ERMP1: variants seen among roughly 807,000 people sequenced by gnomAD.
ERMP1 encodes the protein endoplasmic reticulum metallopeptidase 1.
Under a neutral mutation model 92.0 loss-of-function variants are expected in ERMP1, and 86 were observed. The observed-to-expected ratio is 0.93, with a 90% CI of 0.79 to 1.12. The LOEUF is 1.12. Among genes scored for constraint, ERMP1 ranks in the 50% most tolerant of loss-of-function variants. The probability of loss-of-function intolerance (pLI) is 0.00; values close to 1 mark genes in which losing one functional copy is unlikely to be tolerated. For synonymous variants in ERMP1, 530 were observed against 412.8 expected (o/e 1.28, Z -3.44); for missense variants, 1,342 against 1,116.3 (o/e 1.20, Z -2.88).
In ERMP1 at chr9:5,787,888, AG is replaced by A. The variant is rs1828010607; in HGVS notation, c.2387-296del. The stretch of plus-strand genomic sequence containing the variant: ...AATCTATGTCACAATTTCTTCATTG[AG>A]GGGATTATATTAGAAAAAGCATATG... On this transcript the variant is annotated intron_variant, in intron 13 of 14. Transcript: ENST00000339450. 1.1e-4 allele frequency among the ~76,000 whole-genome samples: 16 copies of A among 152,326 alleles called. No individual in the cohort carries two copies. In the South Asian group the frequency reaches 3.3e-3, roughly 32 times the overall value.
In ERMP1 at chr9:5,833,050, C is replaced by A; in HGVS notation, c.-23G>T. On this transcript the variant is annotated 5_prime_UTR_variant, in exon 1 of 15. Transcript: ENST00000339450. The stretch of plus-strand genomic sequence containing the variant: ...CATGGCCACGAGCCTCAGCTGCCAG[C>A]CCAACCGCCCCAACCCGCGACAGCC... 1 of 1,436,734 alleles carries A rather than the reference C, an allele frequency of 7.0e-7. No homozygotes were observed. The highest frequency in any genetic ancestry group is 9.0e-7 in the Non-Finnish European group (1 of 1,105,098). 89.0% of individuals were successfully genotyped at this position (1,436,734 alleles called of 1,614,324 possible).
intron 6 of ERMP1, among the ~76,000 whole-genome samples, chr9:5,840,836 T>C (rs994189844): frequency 1.3e-5 from 2 of 152,212 alleles, no homozygotes; most frequent in Non-Finnish European, 2.9e-5. Context: ...AAACCTTCAT[T>C]TGCATGGCAT....
chr9:5,808,375 C>T (rs926236133), intron 8 of ERMP1, among the ~76,000 whole-genome samples: 1 of 152,206 alleles, frequency 6.6e-6, no homozygotes, highest in East Asian at 1.9e-4. Context: ...TTGAGCCCCA[C>T]GGTATAATTC....
intron 5 of ERMP1, among the ~76,000 whole-genome samples, chr9:5,862,955 A>G (rs1830547710): frequency 6.6e-6 from 1 of 152,244 alleles, no homozygotes; most frequent in Admixed American, 6.5e-5. Flanking sequence ...ACAGAGATTT[A>G]TGTGCAAGAG....
At chr9:5,790,976 T>G (rs1828168005) in intron 13 of ERMP1, among the ~76,000 whole-genome samples, 1 of 152,116 alleles carries the variant, frequency 6.6e-6, no homozygotes, top group African/African-American at 2.4e-5. Context: ...TCATTGTATG[T>G]AAATTAGGCC....
chr9:5,809,568 A>T (rs1270137338), intron 8 of ERMP1, among the ~76,000 whole-genome samples: 1 of 152,244 alleles, frequency 6.6e-6, no homozygotes, highest in Non-Finnish European at 1.5e-5. Flanking sequence ...TTTAGGCAAC[A>T]AATACTTGCT....
intron 6 of ERMP1, among the ~76,000 whole-genome samples, chr9:5,843,675 A>AG (rs1308914812): frequency 6.6e-6 from 1 of 152,212 alleles, no homozygotes; most frequent in African/African-American, 2.4e-5. Context: ...TTTATTTTGC[A>AG]GGAACAGTGA....
At chr9:5,831,653 T>C (rs920939614) in intron 1 of ERMP1, among the ~76,000 whole-genome samples, 9 of 152,124 alleles carry the variant, frequency 5.9e-5, no homozygotes, top group Non-Finnish European at 1.3e-4. Context: ...AGAATATAAC[T>C]TCACTGTGCA....
At chr9:5,839,086 T>C (rs1357558537) in intron 6 of ERMP1, among the ~76,000 whole-genome samples, 1 of 152,198 alleles carries the variant, frequency 6.6e-6, no homozygotes, top group Non-Finnish European at 1.5e-5. Flanking sequence ...GATTCCAACA[T>C]GGATGTGATC....
intron 5 of ERMP1, chr9:5,812,632 T>A: frequency 2.0e-6 from 1 of 509,348 alleles, no homozygotes; most frequent in South Asian, 2.2e-5. Flanking sequence ...TCTATTACCA[T>A]CTTTTGGGAA....
chr9:5,788,045 G>A (rs952259908), intron 13 of ERMP1, among the ~76,000 whole-genome samples: 6 of 152,110 alleles, frequency 3.9e-5, no homozygotes, highest in African/African-American at 1.4e-4. Context: ...CCTTCAAGCT[G>A]GAAAATATTA....
chr9:5,843,335 T>C (rs1179151981), intron 6 of ERMP1, among the ~76,000 whole-genome samples: 2 of 152,246 alleles, frequency 1.3e-5, no homozygotes, highest in Non-Finnish European at 2.9e-5. Context: ...TCTGCTCTGT[T>C]AATGTTGGAA....
At chr9:5,790,407 T>C (rs1231579676) in intron 13 of ERMP1, among the ~76,000 whole-genome samples, 1 of 150,122 alleles carries the variant, frequency 6.7e-6, no homozygotes, top group Non-Finnish European at 1.5e-5. Context: ...CATGTAATTA[T>C]AAAATACTGT....
At chr9:5,850,141 T>A (rs1830290103) in intron 6 of ERMP1, among the ~76,000 whole-genome samples, 1 of 152,122 alleles carries the variant, frequency 6.6e-6, no homozygotes, top group South Asian at 2.1e-4. Flanking sequence ...TGGACTAGTG[T>A]GACTCTGTGG....
intron 13 of ERMP1, among the ~76,000 whole-genome samples, chr9:5,790,911 T>C (rs573884135): frequency 6.6e-6 from 1 of 152,308 alleles, no homozygotes; most frequent in Non-Finnish European, 1.5e-5. Flanking sequence ...GAGGGTTACA[T>C]GGGTATATAT....
intron 13 of ERMP1, among the ~76,000 whole-genome samples, chr9:5,795,799 G>GA (rs771139848): frequency 6.6e-6 from 1 of 151,724 alleles, no homozygotes; most frequent in Non-Finnish European, 1.5e-5. Flanking sequence ...AAAAAGAAAA[G>GA]AAAATCTTCT....
upstream of ERMP1, among the ~76,000 whole-genome samples, chr9:5,836,992 A>C (rs978987746): frequency 6.6e-6 from 1 of 152,184 alleles, no homozygotes; most frequent in African/African-American, 2.4e-5. Context: ...AGGTAGGCAC[A>C]GAGAAGTTAG....
In ERMP1 at chr9:5,787,586, G is replaced by T; in HGVS notation, c.2394C>A (p.Ser798Arg). ...GGGCTCGAACATAGAAGGACATATGGCTTGGTCCTGTAAGGTAAAAGGAAG... is the reference window on the plus strand; with the variant it reads ...GGGCTCGAACATAGAAGGACATATGTCTTGGTCCTGTAAGGTAAAAGGAAG... Reference protein sequence around the residue: ...IKLTFEATGPSHMSFYVRAHK... With the variant: ...IKLTFEATGPRHMSFYVRAHK... The change falls in exon 14 of 15, where the codon AGC becomes AGA. Residue 798 changes from serine to arginine, a missense_variant. Physicochemically the swap from Ser to Arg is moderately radical, Grantham distance 110. Transcript: ENST00000339450. 6.2e-7 allele frequency: 1 copy of T among 1,610,492 alleles called. No individual in the cohort carries two copies. The highest frequency in any genetic ancestry group is 1.3e-5 in the African/African-American group (1 of 74,634).
chr9:5,823,284 A>C (rs983085553), intron 4 of ERMP1, among the ~76,000 whole-genome samples: 1 of 151,502 alleles, frequency 6.6e-6, no homozygotes, highest in Admixed American at 6.6e-5. Context: ...CTCTAAAAAA[A>C]CAATAAAATA....
Sources: allele counts gnomAD v4.1 joint callset (sites outside exome capture counted in the v4.1 genomes callset), GRCh38; gene constraint gnomAD v4.1.1; transcripts MANE v1.5; gene names NCBI Gene and HGNC (gene_info 2026-07-23, HGNC 2026-07-21).